PIP5K1B: variants seen among roughly 807,000 people sequenced by gnomAD.
PIP5K1B encodes the protein phosphatidylinositol 4-phosphate 5-kinase type-1 beta.
PIP5K1B carries 42 observed loss-of-function variants against 67.0 expected under a neutral mutation model. That is an observed-to-expected ratio of 0.63 (90% CI 0.49 to 0.81). PIP5K1B has a LOEUF of 0.81. PIP5K1B is among the 30% of genes least tolerant of loss of function. PIP5K1B has a pLI of 0.00. For synonymous variants in PIP5K1B, 214 were observed against 231.4 expected (o/e 0.92, Z 0.68); for missense variants, 459 against 646.3 (o/e 0.71, Z 3.14).
chr9:68,707,301 A>C (rs1827170515), intron 1 of PIP5K1B, among the ~76,000 whole-genome samples: 1 of 152,204 alleles, frequency 6.6e-6, no homozygotes, highest in Non-Finnish European at 1.5e-5. Flanking sequence ...ATAACACCTT[A>C]CATTTGCATC....
At chr9:68,853,941 C>G (rs1459229586) in intron 4 of PIP5K1B, among the ~76,000 whole-genome samples, 2 of 152,114 alleles carry the variant, frequency 1.3e-5, no homozygotes, top group African/African-American at 4.8e-5. Context: ...AAGAGAGGCT[C>G]CCAAGCCCCT....
At chr9:68,873,074 C>T (rs1823704744) in intron 5 of PIP5K1B, among the ~76,000 whole-genome samples, 1 of 152,024 alleles carries the variant, frequency 6.6e-6, no homozygotes, top group East Asian at 1.9e-4. Flanking sequence ...TCTCAATTTA[C>T]ATTCCCACTA....
chr9:68,705,787 C>G (rs915163685), intron 1 of PIP5K1B, 25 bp downstream of exon 1: 1 of 152,352 alleles, frequency 6.6e-6, no homozygotes, highest in East Asian at 1.9e-4. Context: ...CGTCCCCGGC[C>G]CCTTCCCACT....
intron 8 of PIP5K1B, among the ~76,000 whole-genome samples, chr9:68,903,813 G>A (rs1239286076): frequency 2.6e-5 from 4 of 152,108 alleles, no homozygotes; most frequent in Non-Finnish European, 5.9e-5. Flanking sequence ...GTTCCATCTT[G>A]GATATAACCT....
chr9:68,924,929 T>C (rs951595455), intron 12 of PIP5K1B, among the ~76,000 whole-genome samples: 5 of 152,214 alleles, frequency 3.3e-5, no homozygotes, highest in Non-Finnish European at 5.9e-5. Context: ...TTTCTACCAA[T>C]CTTTATTTCT....
chr9:68,833,539 C>G (rs1313255136), intron 4 of PIP5K1B, among the ~76,000 whole-genome samples: 1 of 152,194 alleles, frequency 6.6e-6, no homozygotes, highest in East Asian at 1.9e-4. Context: ...GTAGGTGCTA[C>G]TGGTAGGAGG....
At chr9:68,998,697 A>T (rs1830693154) in intron 15 of PIP5K1B, among the ~76,000 whole-genome samples, 1 of 152,212 alleles carries the variant, frequency 6.6e-6, no homozygotes, top group African/African-American at 2.4e-5. Context: ...ATTAGAACAA[A>T]CAAGAACTTT....
intron 5 of PIP5K1B, among the ~76,000 whole-genome samples, chr9:68,874,968 A>G (rs944391089): frequency 5.9e-5 from 9 of 152,164 alleles, no homozygotes; most frequent in African/African-American, 2.2e-4. Context: ...CATGCCATAT[A>G]AGTTCCAGAA....
chr9:68,763,520 T>A (rs1049971430), intron 2 of PIP5K1B, among the ~76,000 whole-genome samples: 4 of 151,954 alleles, frequency 2.6e-5, no homozygotes, highest in Admixed American at 2.6e-4. Context: ...TTACATGAGG[T>A]TGAAAAATTA....
At chr9:68,967,908 CAT>C (rs1236335000) in intron 14 of PIP5K1B, among the ~76,000 whole-genome samples, 4 of 149,944 alleles carry the variant, frequency 2.7e-5, no homozygotes, top group African/African-American at 9.8e-5. Flanking sequence ...CTCTGATGTG[CAT>C]TCCCAACAGG....
Position 68,919,476 on chromosome 9 carries a change from C to T in PIP5K1B, c.984-3C>T. Reference sequence around the variant, plus strand: ...AATATTTTCTCTTTTGCTCCATCAACAGAATGGGAGGCATTCCAGCTAAAA... The same window carrying T: ...AATATTTTCTCTTTTGCTCCATCAATAGAATGGGAGGCATTCCAGCTAAAA... On this transcript the variant is annotated splice_polypyrimidine_tract_variant and splice_region_variant and intron_variant, in intron 9 of 15. Transcript: ENST00000265382. 2 of 1,501,498 alleles carry T rather than the reference C, an allele frequency of 1.3e-6. No homozygotes were observed. Among genetic ancestry groups the T allele is most frequent in the Non-Finnish European group, 1.8e-6 (2 of 1,095,408 alleles). The allele number at this position is 1,501,498 out of a possible 1,614,324, so 93.0% of individuals were successfully genotyped here.
At chr9:68,732,059 C>A (rs1173613612) in intron 1 of PIP5K1B, among the ~76,000 whole-genome samples, 2 of 152,182 alleles carry the variant, frequency 1.3e-5, no homozygotes, top group African/African-American at 4.8e-5. Flanking sequence ...ATGGGTGGGG[C>A]TGCTGTGAAC....
At chr9:68,720,757 C>T (rs190810268) in intron 1 of PIP5K1B, among the ~76,000 whole-genome samples, 78 of 152,278 alleles carry the variant, frequency 5.1e-4, no homozygotes, top group Non-Finnish European at 8.4e-4. Flanking sequence ...TTCCATACCT[C>T]CCTATCTACC....
chr9:68,747,320 T>C (rs1014563896), intron 2 of PIP5K1B, among the ~76,000 whole-genome samples: 1 of 151,050 alleles, frequency 6.6e-6, no homozygotes, highest in African/African-American at 2.4e-5. Context: ...AGTTTGTTGC[T>C]TAATTACTGT....
chr9:68,797,690 C>G (rs745781780), intron 2 of PIP5K1B, among the ~76,000 whole-genome samples: 8 of 152,260 alleles, frequency 5.3e-5, no homozygotes, highest in Admixed American at 1.3e-4. Context: ...GAAATTATGG[C>G]TACAGATTCA....
intron 13 of PIP5K1B, among the ~76,000 whole-genome samples, chr9:68,937,314 C>T (rs542916733): frequency 9.2e-5 from 14 of 152,156 alleles, no homozygotes; most frequent in Non-Finnish European, 1.5e-4. Context: ...TTCAGGGATT[C>T]GACTTCTTCC....
intron 2 of PIP5K1B, among the ~76,000 whole-genome samples, chr9:68,778,028 C>T (rs775456531): frequency 3.7e-4 from 56 of 152,224 alleles, no homozygotes; most frequent in Admixed American, 1.3e-4. Context: ...AAATCCATCT[C>T]CTTCTGCCTT....
chr9:68,800,280 C>T (rs888888517), intron 2 of PIP5K1B, among the ~76,000 whole-genome samples: 2 of 152,146 alleles, frequency 1.3e-5, no homozygotes, highest in African/African-American at 4.8e-5. Flanking sequence ...TTGCTTAGGC[C>T]CTGCAAATGT....
At chr9:68,822,810 A>G in intron 4 of PIP5K1B, 127 bp downstream of exon 4, 1 of 688,450 alleles carries the variant, frequency 1.5e-6, no homozygotes, top group Non-Finnish European at 2.6e-6. Context: ...TGCTGCTATA[A>G]CTAATTACTG....
Sources: allele counts gnomAD v4.1 joint callset (sites outside exome capture counted in the v4.1 genomes callset), GRCh38; gene constraint gnomAD v4.1.1; transcripts MANE v1.5; gene names NCBI Gene and HGNC (gene_info 2026-07-23, HGNC 2026-07-21).